SPPL3: variants seen among roughly 807,000 people sequenced by gnomAD.
The protein encoded by SPPL3 is signal peptide peptidase like 3.
A neutral mutation model predicts 42.4 loss-of-function variants in SPPL3; 5 were observed. That is an observed-to-expected ratio of 0.12 (90% CI 0.06 to 0.25). The LOEUF (loss-of-function observed/expected upper bound fraction) is 0.25, where lower values mean the gene tolerates loss of function less well. SPPL3 is among the 10% of genes least tolerant of loss of function. The probability of loss-of-function intolerance (pLI) is 1.00; values close to 1 mark genes in which losing one functional copy is unlikely to be tolerated. For missense variants in SPPL3, 235 were observed against 489.0 expected (o/e 0.48, Z 4.90); for synonymous variants, 195 against 181.8 (o/e 1.07, Z -0.58).
intron 6 of SPPL3, among the ~76,000 whole-genome samples, chr12:120,775,799 CTTAATG>C (rs2136972362): frequency 6.6e-6 from 1 of 152,278 alleles, no homozygotes; most frequent in Non-Finnish European, 1.5e-5. Context: ...GAAGTCCATT[CTTAATG>C]TTAATACTTC....
chr12:120,843,581 C>T (rs771462580), intron 1 of SPPL3, among the ~76,000 whole-genome samples: 1 of 152,158 alleles, frequency 6.6e-6, no homozygotes, highest in Non-Finnish European at 1.5e-5. Flanking sequence ...TCCTAGAGTT[C>T]CCAGGGCACT....
intron 6 of SPPL3, among the ~76,000 whole-genome samples, chr12:120,776,043 G>A (rs1221902227): frequency 6.6e-6 from 1 of 152,200 alleles, no homozygotes; most frequent in African/African-American, 2.4e-5. Context: ...AGACTACTGT[G>A]ACAGCAGAAA....
chr12:120,868,049 T>C (rs951907027), intron 1 of SPPL3, among the ~76,000 whole-genome samples: 20 of 152,140 alleles, frequency 1.3e-4, no homozygotes, highest in African/African-American at 4.6e-4. Context: ...ACCCAGCCTA[T>C]GTATAAAAAT....
At chr12:120,821,008 T>A (rs1871050162) in intron 1 of SPPL3, among the ~76,000 whole-genome samples, 1 of 152,190 alleles carries the variant, frequency 6.6e-6, no homozygotes, top group African/African-American at 2.4e-5. Flanking sequence ...TATATGTTAA[T>A]ATTTTATATT....
intron 1 of SPPL3, among the ~76,000 whole-genome samples, chr12:120,867,457 G>C (rs533303945): frequency 7.9e-5 from 12 of 152,190 alleles, no homozygotes; most frequent in South Asian, 4.1e-4. Flanking sequence ...ACAAGGTCAG[G>C]AGATCGAGAC....
intron 1 of SPPL3, among the ~76,000 whole-genome samples, chr12:120,881,026 T>C (rs1431933676): frequency 6.6e-6 from 1 of 151,684 alleles, no homozygotes; most frequent in Admixed American, 6.6e-5. Flanking sequence ...TCATACCCAT[T>C]AGGATGGCTA....
At chr12:120,830,596 A>AGAGG (rs1871394324) in intron 1 of SPPL3, among the ~76,000 whole-genome samples, 1 of 129,898 alleles carries the variant, frequency 7.7e-6, no homozygotes, top group African/African-American at 2.9e-5. Flanking sequence ...AGAGAGAGAG[A>AGAGG]GAGAGAGAGA....
At chr12:120,894,570 G>A (rs192321869) in intron 1 of SPPL3, among the ~76,000 whole-genome samples, 1 of 152,316 alleles carries the variant, frequency 6.6e-6, no homozygotes, top group Non-Finnish European at 1.5e-5. Context: ...GCCCTATCTA[G>A]GTCAAGAGTG....
At chr12:120,835,613 A>ATT (rs1871591411) in intron 1 of SPPL3, 1 of 152,212 alleles carries the variant, frequency 6.6e-6, no homozygotes, top group Admixed American at 6.5e-5. Flanking sequence ...TCCCTCTTAA[A>ATT]AGATCTCTTC....
chr12:120,841,811 A>C (rs1392488974), intron 1 of SPPL3, among the ~76,000 whole-genome samples: 2 of 152,228 alleles, frequency 1.3e-5, no homozygotes, highest in African/African-American at 4.8e-5. Flanking sequence ...CTTTGGTCAG[A>C]GAGGCTCAAT....
Position 120,767,680 on chromosome 12 carries a change from G to A in SPPL3, c.774-87C>T, listed in dbSNP as rs1868962552. The A allele has an allele frequency of 2.1e-5, 28 of 1,333,914 alleles. 1 individual carries two copies. In the South Asian group the frequency reaches 3.1e-4, roughly 15 times the overall value. 82.6% of individuals were successfully genotyped at this position (1,333,914 alleles called of 1,614,324 possible). A position where few individuals can be genotyped will look rare whatever the true frequency, so the allele number is the denominator to read the frequency against. On this transcript the variant is annotated intron_variant, in intron 8 of 10. Transcript: ENST00000353487. ...GTGCAAAGTTTGTTAGCTTTTTAAG[G>A]AGTCAAAGAGCTTATCTGCATGGCA...
intron 1 of SPPL3, among the ~76,000 whole-genome samples, chr12:120,862,277 GGT>G (rs1491575950): frequency 1.3e-5 from 2 of 151,962 alleles, no homozygotes; most frequent in Admixed American, 6.6e-5. Flanking sequence ...CAAATGTGTG[GGT>G]TTTTTCCATG....
chr12:120,896,561 G>A (rs1873809627), intron 1 of SPPL3, among the ~76,000 whole-genome samples: 2 of 152,190 alleles, frequency 1.3e-5, no homozygotes, highest in South Asian at 2.1e-4. Context: ...GGATCACAAG[G>A]TCAGGAGTTT....
intron 1 of SPPL3, among the ~76,000 whole-genome samples, chr12:120,852,776 TAA>T (rs1872288168): frequency 7.6e-5 from 3 of 39,648 alleles, no homozygotes; most frequent in Non-Finnish European, 1.3e-4. Flanking sequence ...ATATTATATA[TAA>T]AATATATTTC....
At chr12:120,801,981 T>G (rs751078796) in intron 2 of SPPL3, among the ~76,000 whole-genome samples, 1 of 152,228 alleles carries the variant, frequency 6.6e-6, no homozygotes, top group Non-Finnish European at 1.5e-5. Flanking sequence ...ATATTAATAT[T>G]CTGTGAGTGC....
intron 1 of SPPL3, chr12:120,845,142 G>A: frequency 4.5e-6 from 2 of 449,366 alleles, no homozygotes; most frequent in Non-Finnish European, 4.4e-6. Flanking sequence ...TAGACAGCCA[G>A]CCCAGTCCTT....
At chr12:120,813,519 T>C (rs780193123) in intron 1 of SPPL3, among the ~76,000 whole-genome samples, 14 of 151,890 alleles carry the variant, frequency 9.2e-5, no homozygotes, top group Non-Finnish European at 1.9e-4. Context: ...CGGGGTTTCA[T>C]CATGTTGGCC....
intron 6 of SPPL3, among the ~76,000 whole-genome samples, chr12:120,781,625 G>C (rs909783342): frequency 7.9e-5 from 10 of 127,076 alleles, no homozygotes; most frequent in Admixed American, 6.6e-4. Flanking sequence ...CCAGGCCGGA[G>C]TGCAGTGGCT....
intron 1 of SPPL3, among the ~76,000 whole-genome samples, chr12:120,823,011 T>A (rs538634084): frequency 4.3e-4 from 65 of 151,376 alleles, no homozygotes; most frequent in Non-Finnish European, 7.7e-4. Flanking sequence ...GTTGCCAAAT[T>A]AAACAGACAG....
Sources: gnomAD v4.1 joint callset for allele counts (sites outside exome capture counted in the v4.1 genomes callset) on GRCh38, gnomAD v4.1.1 for gene constraint, MANE v1.5 for transcripts, NCBI Gene and HGNC (gene_info 2026-07-23, HGNC 2026-07-21) for gene names.